Variants in PCDH11X observed in about 807,000 individuals in gnomAD.
PCDH11X encodes the protein protocadherin-11 X-linked.
Under a neutral mutation model 53.3 loss-of-function variants are expected in PCDH11X, and 18 were observed. The ratio of observed to expected loss-of-function variants is 0.34; its 90% CI spans 0.23 to 0.50. The LOEUF is 0.50. PCDH11X is among the 20% of genes least tolerant of loss of function. PCDH11X has a pLI of 0.98. For missense variants in PCDH11X, 570 were observed against 1,032.4 expected (o/e 0.55, Z 6.14); for synonymous variants, 279 against 393.3 (o/e 0.71, Z 3.44).
At chrX:92,446,134 A>AG (rs1168353870) in intron 9 of PCDH11X, among the ~76,000 whole-genome samples, 1 of 101,578 alleles carries the variant, frequency 9.8e-6, no homozygotes, top group Non-Finnish European at 2.0e-5. Flanking sequence ...TTCTTCTTCA[A>AG]GGCATCACAA....
At chrX:92,406,825 G>A (rs1333417265) in intron 9 of PCDH11X, among the ~76,000 whole-genome samples, 2 of 107,009 alleles carry the variant, frequency 1.9e-5, no homozygotes, top group African/African-American at 6.8e-5. Context: ...TACTTGGGCA[G>A]CTGAGGCAAG....
rs1026995755 is a variant in PCDH11X at position 92,336,567 on chromosome X, A to G, written c.3145-51168A>G. Among the ~76,000 whole-genome samples, 4 of 111,758 alleles carry G rather than the reference A, an allele frequency of 3.6e-5. 1 individual carries two copies. On this transcript the variant is annotated intron_variant, in intron 8 of 10. Coordinates refer to ENST00000682573, the MANE Select transcript of PCDH11X (RefSeq NM_032968.5). ...TTTCATTAAATTCAAGAATATATATATTTAGAATTTTTTGTTAGGGCATTT... is the reference window on the plus strand; with the variant it reads ...TTTCATTAAATTCAAGAATATATATGTTTAGAATTTTTTGTTAGGGCATTT...
intron 6 of PCDH11X, among the ~76,000 whole-genome samples, chrX:92,020,861 T>C (rs959648525): frequency 9.0e-6 from 1 of 110,523 alleles, no homozygotes; most frequent in African/African-American, 3.3e-5. Context: ...TCTTTGCTGT[T>C]CTCCAGCCTC....
rs2072993413 is a variant in PCDH11X at position 92,459,783 on chromosome X, C to G, written c.3344-8516C>G. ...GCGCGGCCAGCGTCTATGCAGGCGCCGGGGGCTCTGGTTCCCGGATCTCCG... is the reference window on the plus strand; with the variant it reads ...GCGCGGCCAGCGTCTATGCAGGCGCGGGGGGCTCTGGTTCCCGGATCTCCG... On this transcript the variant is annotated intron_variant, in intron 9 of 10. Coordinates refer to ENST00000682573, the MANE Select transcript of PCDH11X (RefSeq NM_032968.5). 4.2e-6 allele frequency: 5 copies of G among 1,179,597 alleles called. No individual in the cohort carries two copies. The South Asian group carries it at 9.0e-5, about 21-fold the overall frequency.
intron 8 of PCDH11X, among the ~76,000 whole-genome samples, chrX:92,301,645 T>TG (rs1209505401): frequency 3.9e-5 from 4 of 102,820 alleles, no homozygotes; most frequent in African/African-American, 1.2e-4. Context: ...CACTTTTTTG[T>TG]TTTTTGTTTT....
chrX:92,353,830 G>C (rs1256008750), intron 8 of PCDH11X, among the ~76,000 whole-genome samples: 1 of 110,157 alleles, frequency 9.1e-6, no homozygotes, highest in Non-Finnish European at 1.9e-5. Flanking sequence ...CTTTACATTT[G>C]AATGGACTAC....
At chrX:91,970,593 C>A (rs914893824) in intron 6 of PCDH11X, among the ~76,000 whole-genome samples, 2 of 111,180 alleles carry the variant, frequency 1.8e-5, no homozygotes, top group Non-Finnish European at 3.8e-5. Context: ...AGAAGCCCAG[C>A]CACTTCACCT....
chrX:92,471,036 T>C (rs1419782319), intron 10 of PCDH11X, among the ~76,000 whole-genome samples: 3 of 106,960 alleles, frequency 2.8e-5, no homozygotes, highest in Non-Finnish European at 5.8e-5. Context: ...CTTTCTTAAA[T>C]ATTCGTTAGA....
At chrX:92,312,825 C>T (rs1321047691) in intron 8 of PCDH11X, among the ~76,000 whole-genome samples, 29 of 111,152 alleles carry the variant, frequency 2.6e-4, no homozygotes, top group African/African-American at 8.5e-4. Context: ...TTTTTTTAAA[C>T]TATGTACCCT....
chrX:91,997,839 C>T (rs928121884), intron 6 of PCDH11X, among the ~76,000 whole-genome samples: 1 of 110,328 alleles, frequency 9.1e-6, no homozygotes, highest in Non-Finnish European at 1.9e-5. Flanking sequence ...CCAATAAAGC[C>T]ATCTGTTCCT....
At chrX:92,577,775 G>A (rs1238707044) in intron 10 of PCDH11X, among the ~76,000 whole-genome samples, 4 of 109,921 alleles carry the variant, frequency 3.6e-5, no homozygotes, top group Non-Finnish European at 7.6e-5. Flanking sequence ...CTTAATTTCT[G>A]TCTTAATCTT....
intron 6 of PCDH11X, among the ~76,000 whole-genome samples, chrX:92,175,785 T>TATATAC (rs1556140527): frequency 5.4e-4 from 45 of 83,809 alleles, no homozygotes; most frequent in African/African-American, 1.2e-3. Flanking sequence ...TGTATATATA[T>TATATAC]ACACACACAC....
intron 8 of PCDH11X, among the ~76,000 whole-genome samples, chrX:92,265,385 G>A (rs1274387138): frequency 1.8e-5 from 2 of 110,532 alleles, no homozygotes; most frequent in Non-Finnish European, 3.8e-5. Flanking sequence ...CCGAGCTCAG[G>A]GGCCCGTGGG....
chrX:92,124,931 C>CACTGTAT (rs1759676311), intron 6 of PCDH11X, among the ~76,000 whole-genome samples: 1 of 111,248 alleles, frequency 9.0e-6, no homozygotes, highest in Non-Finnish European at 1.9e-5. Context: ...TCTCGCTCAT[C>CACTGTAT]ACTGTATTTC....
chrX:92,084,353 G>A (rs758678178), intron 6 of PCDH11X, among the ~76,000 whole-genome samples: 1 of 108,668 alleles, frequency 9.2e-6, no homozygotes, highest in East Asian at 2.9e-4. Flanking sequence ...TTCAAGACCA[G>A]CCTGACCAAC....
rs774145269 is a variant in PCDH11X at position 91,976,059 on chromosome X, G to A, written c.3033+96786G>A. ...TTTACATATTTATTATTTTCTTTTCGTTGTTGTTTTTGAGACTGGGTCCCA... is the reference window on the plus strand; with the variant it reads ...TTTACATATTTATTATTTTCTTTTCATTGTTGTTTTTGAGACTGGGTCCCA... On this transcript the variant is annotated intron_variant, in intron 6 of 10. Coordinates refer to ENST00000682573, the MANE Select transcript of PCDH11X (RefSeq NM_032968.5). Among the ~76,000 whole-genome samples, 178 of 111,018 alleles carry A rather than the reference G, an allele frequency of 1.6e-3. 1 individual carries two copies. Among genetic ancestry groups the A allele is most frequent in the East Asian group, 0.011 (38 of 3,505 alleles).
chrX:92,262,573 T>A (rs1426596824), intron 7 of PCDH11X, among the ~76,000 whole-genome samples: 1 of 111,598 alleles, frequency 9.0e-6, no homozygotes. Context: ...CAGAGTTGAT[T>A]TAAGATGCCC....
At chrX:92,103,803 G>T (rs1483133825) in intron 6 of PCDH11X, among the ~76,000 whole-genome samples, 1 of 112,175 alleles carries the variant, frequency 8.9e-6, no homozygotes. Flanking sequence ...GTCTCACAGT[G>T]GTGGCAAGGA....
At chrX:92,147,859 T>TTTC (rs1483427965) in intron 6 of PCDH11X, among the ~76,000 whole-genome samples, 39 of 45,044 alleles carry the variant, frequency 8.7e-4, no homozygotes, top group African/African-American at 2.9e-3. Context: ...TTCTTTTTTC[T>TTTC]TTTCTCTCTT....
Sources: gnomAD v4.1 joint callset for allele counts (sites outside exome capture counted in the v4.1 genomes callset) on GRCh38, gnomAD v4.1.1 for gene constraint, MANE v1.5 for transcripts, NCBI Gene and HGNC (gene_info 2026-07-23, HGNC 2026-07-21) for gene names.